The following FAM135A variants were observed in gnomAD, a reference collection of about 807,000 sequenced individuals.
FAM135A encodes the protein protein FAM135A.
Under a neutral mutation model 146.8 loss-of-function variants are expected in FAM135A, and 79 were observed. The ratio of observed to expected loss-of-function variants is 0.54; its 90% confidence interval spans 0.45 to 0.65. The LOEUF (loss-of-function observed/expected upper bound fraction) is 0.65. Among genes scored for constraint, FAM135A ranks in the 30% least tolerant of loss-of-function variants. The probability of loss-of-function intolerance (pLI) is 0.00; values close to 1 mark genes in which losing one functional copy is unlikely to be tolerated. For synonymous variants in FAM135A, 562 were observed against 603.6 expected (o/e 0.93, Z 1.01); for missense variants, 1,623 against 1,758.2 (o/e 0.92, Z 1.38).
chr6:70,482,388 T>A (rs1191084470), intron 10 of FAM135A, among the ~76,000 whole-genome samples: 2 of 151,770 alleles, frequency 1.3e-5, no homozygotes, highest in Non-Finnish European at 1.5e-5. Flanking sequence ...ATGAGTCTTT[T>A]AAAAAAAACA....
At chr6:70,439,221 C>T (rs1773907446) in intron 4 of FAM135A, among the ~76,000 whole-genome samples, 1 of 152,098 alleles carries the variant, frequency 6.6e-6, no homozygotes, top group South Asian at 2.1e-4. Flanking sequence ...GACCCAGAAA[C>T]GTGTTCTGAT....
At chr6:70,483,152 C>T (rs1006082822) in intron 10 of FAM135A, among the ~76,000 whole-genome samples, 1 of 152,102 alleles carries the variant, frequency 6.6e-6, no homozygotes, top group Non-Finnish European at 1.5e-5. Flanking sequence ...AGAATTTCTA[C>T]CCCACTTAAA....
In FAM135A at chr6:70,551,144, GTC is replaced by G. The variant is rs1228843209; in HGVS notation, c.4229-5603_4229-5602del. On this transcript the variant is annotated intron_variant, in intron 20 of 21. Transcript: ENST00000418814. ...GCATCAGCAATAAAACTGTTTTGGTGTCTCATCATTTGTGTTTTCACTAGAGT... is the reference window on the plus strand; with the variant it reads ...GCATCAGCAATAAAACTGTTTTGGTGTCATCATTTGTGTTTTCACTAGAGT... Among the ~76,000 whole-genome samples, 6 of 152,298 alleles carry G rather than the reference GTC, an allele frequency of 3.9e-5. No individual in the cohort carries two copies. In the East Asian group the frequency reaches 9.6e-4, roughly 24 times the overall value.
intron 4 of FAM135A, among the ~76,000 whole-genome samples, chr6:70,434,361 G>T (rs754066153): frequency 6.6e-6 from 1 of 152,170 alleles, no homozygotes. Context: ...TTGCAAAATT[G>T]TTGAAGTATC....
At chr6:70,446,709 T>C (rs1247989193) in intron 4 of FAM135A, among the ~76,000 whole-genome samples, 1 of 152,188 alleles carries the variant, frequency 6.6e-6, no homozygotes, top group Non-Finnish European at 1.5e-5. Context: ...ATATGCCCAA[T>C]AAGGATAATT....
chr6:70,424,934 C>T (rs973651277), intron 2 of FAM135A, among the ~76,000 whole-genome samples: 3 of 152,098 alleles, frequency 2.0e-5, no homozygotes, highest in South Asian at 2.1e-4. Context: ...GCTAGTACCA[C>T]GTTTTAGGAT....
chr6:70,518,688 A>G (rs920747920), intron 12 of FAM135A, among the ~76,000 whole-genome samples: 4 of 152,190 alleles, frequency 2.6e-5, no homozygotes, highest in African/African-American at 9.7e-5. Context: ...AATTATGCAG[A>G]ATCTACTCTG....
chr6:70,525,693 CTG>C lies in FAM135A; in HGVS notation c.2611_2612del (p.Val871IlefsTer7), dbSNP rs953983569. 2 of 1,612,174 alleles carry C rather than the reference CTG, an allele frequency of 1.2e-6. No individual in the cohort carries two copies. Among genetic ancestry groups the C allele is most frequent in the Non-Finnish European group, 1.7e-6 (2 of 1,179,426 alleles). On this transcript the variant is annotated frameshift_variant, in exon 15 of 22. Transcript: ENST00000418814. LOFTEE classifies it high-confidence loss of function. ...GAATGCCATCTAAATGATAGCAAAA[CTG>C]TATTAAATCTAGGAACGACTGATTT...
At chr6:70,559,453 A>T (rs982717455) in intron 21 of FAM135A, among the ~76,000 whole-genome samples, 25 of 152,102 alleles carry the variant, frequency 1.6e-4, no homozygotes, top group Non-Finnish European at 2.6e-4. Context: ...AAAATAAAAA[A>T]AAAAAAAAAT....
chr6:70,482,169 G>A lies in FAM135A; in HGVS notation c.823+15G>A. 1 of 1,611,906 alleles carries A rather than the reference G, an allele frequency of 6.2e-7. No individual in the cohort carries two copies. Among genetic ancestry groups the A allele is most frequent in the Non-Finnish European group, 8.5e-7 (1 of 1,179,196 alleles). ...ACTAGAACTGGGTATGTTAAAAGTA[G>A]CGAGACTTATTCTACAGTTCAAATC... On this transcript the variant is annotated intron_variant, in intron 10 of 21. Transcript: ENST00000418814.
At chr6:70,548,570 G>C (rs756276181) in intron 20 of FAM135A, among the ~76,000 whole-genome samples, 2 of 152,162 alleles carry the variant, frequency 1.3e-5, no homozygotes, top group African/African-American at 4.8e-5. Context: ...GTCTAAAGCA[G>C]TAATTCCAAA....
At chr6:70,460,546 G>A (rs961516767) in intron 5 of FAM135A, among the ~76,000 whole-genome samples, 1 of 152,216 alleles carries the variant, frequency 6.6e-6, no homozygotes, top group Admixed American at 6.5e-5. Context: ...AAGAAGGAAA[G>A]GGTTTCTAGA....
chr6:70,414,063 C>T, intron 1 of FAM135A: 2 of 985,282 alleles, frequency 2.0e-6, no homozygotes, highest in Non-Finnish European at 1.2e-6. Flanking sequence ...CCTCCTTTAC[C>T]CGCTTTCGTG....
intron 12 of FAM135A, among the ~76,000 whole-genome samples, chr6:70,512,897 T>C (rs185518872): frequency 2.6e-5 from 4 of 151,842 alleles, no homozygotes; most frequent in Non-Finnish European, 5.9e-5. Context: ...TTAGAGAGCA[T>C]TAGAATTATA....
chr6:70,538,235 G>T, intron 19 of FAM135A, 56 bp from the exon 20 acceptor site: 3 of 1,001,600 alleles, frequency 3.0e-6, no homozygotes, highest in Admixed American at 3.1e-5. Context: ...TAATAATCTT[G>T]GCATATGTTT....
intron 4 of FAM135A, among the ~76,000 whole-genome samples, chr6:70,451,265 G>A (rs897603287): frequency 2.6e-5 from 4 of 152,214 alleles, no homozygotes; most frequent in African/African-American, 4.8e-5. Flanking sequence ...GTCTCTATGC[G>A]GAGGAAGTTT....
At chr6:70,433,143 C>T (rs1221826568) in intron 4 of FAM135A, among the ~76,000 whole-genome samples, 6 of 150,974 alleles carry the variant, frequency 4.0e-5, no homozygotes, top group African/African-American at 9.7e-5. Flanking sequence ...GGCTTGATCT[C>T]GGCTCACTGC....
At chr6:70,558,132 G>A (rs1462166738) in intron 21 of FAM135A, among the ~76,000 whole-genome samples, 2 of 152,192 alleles carry the variant, frequency 1.3e-5, no homozygotes, top group Admixed American at 6.5e-5. Context: ...TTTTAAAATA[G>A]CATGGAACCA....
Position 70,523,942 on chromosome 6 carries a change from A to G in FAM135A, c.1104-25A>G, listed in dbSNP as rs41265353. The stretch of plus-strand genomic sequence containing the variant: ...TTGGGTATAATTTTTCTAAATTACA[A>G]TCTGACTGAAGAAATATTTTTCAGT... On this transcript the variant is annotated intron_variant, in intron 13 of 21. Coordinates refer to ENST00000418814, the MANE Select transcript of FAM135A (RefSeq NM_001162529.3). The G allele has an allele frequency of 2.1e-3, 3,335 of 1,589,462 alleles. 4 individuals carry two copies. Among genetic ancestry groups the G allele is most frequent in the Admixed American group, 3.8e-3 (198 of 52,084 alleles).
Sources: gnomAD v4.1 joint callset for allele counts (sites outside exome capture counted in the v4.1 genomes callset) on GRCh38, gnomAD v4.1.1 for gene constraint, MANE v1.5 for transcripts, NCBI Gene and HGNC (gene_info 2026-07-23, HGNC 2026-07-21) for gene names.